SIDT1: variants seen among roughly 807,000 people sequenced by gnomAD.
The protein encoded by SIDT1 is SID1 transmembrane family member 1.
Under a neutral mutation model 107.5 loss-of-function variants are expected in SIDT1, and 101 were observed. The observed-to-expected ratio is 0.94, with a 90% CI of 0.80 to 1.11. SIDT1 has a LOEUF of 1.11. SIDT1 is among the 50% of genes least tolerant of loss of function. SIDT1 has a pLI of 0.00. For missense variants in SIDT1, 1,076 were observed against 1,058.2 expected, an observed-to-expected ratio of 1.02 and a Z score of -0.23; for synonymous variants, 395 against 398.2, an observed-to-expected ratio of 0.99 and a Z score of 0.10.
rs112709524 is a variant in SIDT1 at position 113,567,717 on chromosome 3, G to A, written c.515+7G>A. 124 of 1,612,914 alleles carry A rather than the reference G, an allele frequency of 7.7e-5. No individual in the cohort carries two copies. Among genetic ancestry groups the A allele is most frequent in the Middle Eastern group, 5.0e-4 (3 of 6,022 alleles). On this transcript the variant is annotated splice_region_variant and intron_variant, in intron 3 of 24. Transcript: ENST00000264852. ...TGAAGCACTTCCAGCTCCGGTAAGC[G>A]GGACTTTCTCTGTTTACCTGTCTGT...
chr3:113,577,057 C>T (rs1052137713), intron 4 of SIDT1, 90 bp downstream of exon 4: 16 of 1,246,174 alleles, frequency 1.3e-5, no homozygotes, highest in Middle Eastern at 1.9e-4. Flanking sequence ...GTAGAGTTAG[C>T]GTGTGGTGTT....
At chr3:113,606,370 T>C (rs978995406) in intron 14 of SIDT1, 2 of 152,258 alleles carry the variant, frequency 1.3e-5, no homozygotes, top group Admixed American at 1.3e-4. Flanking sequence ...CAGGCATCTG[T>C]AGTGTTTAAA....
At chr3:113,614,811 C>A (rs1945990284) in intron 19 of SIDT1, among the ~76,000 whole-genome samples, 2 of 152,186 alleles carry the variant, frequency 1.3e-5, no homozygotes, top group South Asian at 4.1e-4. Context: ...GCAAGCAGTG[C>A]ACAAAAGTAG....
At position 113,532,662 on chromosome 3, in the gene SIDT1, T is replaced by G; in HGVS notation, c.-360T>G. ...TCCAATGCCTTTTTATTATTGCTGT[T>G]ATTGAGGTTGAGGGAGAAGAGATCG... On this transcript the variant is annotated 5_prime_UTR_variant, in exon 1 of 25. Coordinates refer to ENST00000264852, the MANE Select transcript of SIDT1 (RefSeq NM_017699.3). The G allele has an allele frequency of 4.3e-6, 1 of 230,170 alleles. No homozygotes were observed. Among genetic ancestry groups the G allele is most frequent in the Non-Finnish European group, 8.4e-6 (1 of 119,368 alleles). The allele number at this position is 230,170 out of a possible 1,614,324, so 14.3% of individuals were successfully genotyped here.
rs1420702113 is a variant in SIDT1, at chr3:113,623,472, CAT to C, written c.2137_2138del (p.Met713AlafsTer7). The C allele has an allele frequency of 6.2e-7, 1 of 1,614,160 alleles. No homozygotes were observed. The highest frequency in any genetic ancestry group is 1.1e-5 in the South Asian group (1 of 91,088). On this transcript the variant is annotated frameshift_variant, in exon 22 of 25. Transcript: ENST00000264852. LOFTEE classifies it high-confidence loss of function. ...IYRPRDFASY[M>X]LGIFICNLLL... ...ACCGCCCCAGGGACTTTGCTTCCTACATGCTGGGCATCTTCATCTGTAACCTT... is the reference window on the plus strand; with the variant it reads ...ACCGCCCCAGGGACTTTGCTTCCTACGCTGGGCATCTTCATCTGTAACCTT...
At chr3:113,608,868 G>A (rs894928664) in intron 17 of SIDT1, among the ~76,000 whole-genome samples, 4 of 152,110 alleles carry the variant, frequency 2.6e-5, no homozygotes, top group Admixed American at 2.6e-4. Context: ...TTATCATCAG[G>A]CTATCTTCCC....
intron 9 of SIDT1, among the ~76,000 whole-genome samples, chr3:113,585,478 AC>A (rs1243422590): frequency 6.6e-6 from 1 of 152,258 alleles, no homozygotes; most frequent in African/African-American, 2.4e-5. Context: ...AATTTACCCC[AC>A]AAAAAGTACA....
chr3:113,608,324 A>C (rs958856755), intron 16 of SIDT1, 95 bp from the exon 17 acceptor site: 22 of 1,546,396 alleles, frequency 1.4e-5, no homozygotes, highest in Non-Finnish European at 1.9e-5. Flanking sequence ...ATGTGTAATA[A>C]ACTACATGAG....
chr3:113,539,155 T>C (rs1938523174), intron 1 of SIDT1, among the ~76,000 whole-genome samples: 1 of 152,230 alleles, frequency 6.6e-6, no homozygotes, highest in South Asian at 2.1e-4. Flanking sequence ...TTTAAAATAA[T>C]GAGTTGGTCT....
intron 15 of SIDT1, among the ~76,000 whole-genome samples, chr3:113,607,622 T>G (rs1019430035): frequency 6.6e-6 from 1 of 152,266 alleles, no homozygotes; most frequent in Non-Finnish European, 1.5e-5. Flanking sequence ...TCTAGCCTCT[T>G]GCTCCAGAGC....
At chr3:113,533,781 G>A (rs542804898) in intron 1 of SIDT1, among the ~76,000 whole-genome samples, 34 of 152,316 alleles carry the variant, frequency 2.2e-4, no homozygotes, top group Non-Finnish European at 4.0e-4. Flanking sequence ...GCGTTTTTGT[G>A]CCATTGTCAC....
intron 1 of SIDT1, among the ~76,000 whole-genome samples, chr3:113,545,114 TAAAAAAAA>T (rs554009768): frequency 2.3e-4 from 17 of 73,972 alleles, no homozygotes; most frequent in Admixed American, 1.8e-3. Flanking sequence ...GAGACTCTGT[TAAAAAAAA>T]AAAAAAAAAA....
At chr3:113,566,214 G>A (rs1301040252) in intron 1 of SIDT1, among the ~76,000 whole-genome samples, 1 of 152,114 alleles carries the variant, frequency 6.6e-6, no homozygotes, top group Non-Finnish European at 1.5e-5. Flanking sequence ...ACCCACTCTG[G>A]TTACAATATG....
Position 113,627,711 on chromosome 3 carries a change from C to T in SIDT1, c.*3C>T. On this transcript the variant is annotated 3_prime_UTR_variant, in exon 25 of 25. Coordinates refer to ENST00000264852, the MANE Select transcript of SIDT1 (RefSeq NM_017699.3). ...GAGACCAGATCCCTGTCTTCTGAAC[C>T]TCCAACATTAAGAGAGGGGAGGGAG... 6.2e-7 allele frequency: 1 copy of T among 1,613,244 alleles called. No individual in the cohort carries two copies. The highest frequency in any genetic ancestry group is 8.5e-7 in the Non-Finnish European group (1 of 1,179,834).
At chr3:113,632,961 TAATC>T (rs1412386587), downstream of SIDT1, 3 of 152,208 alleles carry the variant, frequency 2.0e-5, no homozygotes, top group East Asian at 3.9e-4. Flanking sequence ...CTGTTAATGA[TAATC>T]AGGCAAAAAG....
intron 10 of SIDT1, among the ~76,000 whole-genome samples, chr3:113,598,509 C>A (rs545194984): frequency 6.6e-6 from 1 of 152,094 alleles, no homozygotes; most frequent in African/African-American, 2.4e-5. Context: ...ACTATGTGCA[C>A]GTAACATCAA....
intron 19 of SIDT1, among the ~76,000 whole-genome samples, chr3:113,614,046 A>C (rs965793680): frequency 6.6e-6 from 1 of 152,344 alleles, no homozygotes; most frequent in Non-Finnish European, 1.5e-5. Context: ...TGAAGCTTTT[A>C]CATCTATAAG....
chr3:113,556,708 A>G (rs1292445845), intron 1 of SIDT1, among the ~76,000 whole-genome samples: 2 of 151,976 alleles, frequency 1.3e-5, no homozygotes, highest in African/African-American at 4.8e-5. Context: ...AAAATATTTT[A>G]TTAGTTACAG....
At chr3:113,540,105 G>A (rs183227999) in intron 1 of SIDT1, among the ~76,000 whole-genome samples, 1 of 152,268 alleles carries the variant, frequency 6.6e-6, no homozygotes, top group Admixed American at 6.5e-5. Flanking sequence ...GGCAGAAGGT[G>A]AAGGGGAGCC....
Sources: gnomAD v4.1 joint callset for allele counts (sites outside exome capture counted in the v4.1 genomes callset) on GRCh38, gnomAD v4.1.1 for gene constraint, MANE v1.5 for transcripts, NCBI Gene and HGNC (gene_info 2026-07-23, HGNC 2026-07-21) for gene names.